Variants in AK5 observed in about 807,000 individuals in gnomAD.
AK5 encodes the protein adenylate kinase 5, also known as adenylate kinase isoenzyme 5.
In AK5, 27 loss-of-function variants were observed where a neutral mutation model predicts 69.5. That is an observed-to-expected ratio of 0.39 (90% CI 0.29 to 0.54). AK5 has a LOEUF of 0.54. AK5 is among the 20% of genes least tolerant of loss of function. AK5 has a pLI of 0.71. For synonymous variants in AK5, 260 were observed against 244.4 expected (o/e 1.06, Z -0.60); for missense variants, 531 against 700.4 (o/e 0.76, Z 2.73).
At chr1:77,376,433 C>CAAAAAAAAAAA (rs757594684) in intron 6 of AK5, among the ~76,000 whole-genome samples, 7 of 13,432 alleles carry the variant, frequency 5.2e-4, no homozygotes, top group Admixed American at 1.2e-3. Flanking sequence ...CACTCAATGC[C>CAAAAAAAAAAA]AAAAAAAAAA....
At chr1:77,468,452 C>T (rs1465508211) in intron 8 of AK5, among the ~76,000 whole-genome samples, 4 of 152,196 alleles carry the variant, frequency 2.6e-5, no homozygotes, top group Non-Finnish European at 4.4e-5. Context: ...ACCTGGCAGC[C>T]GTGCCTCAGA....
At chr1:77,471,974 C>A (rs1401835712) in intron 8 of AK5, among the ~76,000 whole-genome samples, 2 of 152,046 alleles carry the variant, frequency 1.3e-5, no homozygotes, top group African/African-American at 4.8e-5. Flanking sequence ...ATATTCTTAA[C>A]CCTTAATAAC....
intron 8 of AK5, among the ~76,000 whole-genome samples, chr1:77,464,582 C>T (rs1011446425): frequency 6.6e-6 from 1 of 152,070 alleles, no homozygotes; most frequent in African/African-American, 2.4e-5. Flanking sequence ...ATAGGCTGAA[C>T]AGAAGACAGG....
intron 10 of AK5, among the ~76,000 whole-genome samples, chr1:77,498,869 GTTAAAA>G: frequency 6.6e-6 from 1 of 152,340 alleles, no homozygotes; most frequent in East Asian, 1.9e-4. Flanking sequence ...AACATTTCTT[GTTAAAA>G]TTAAACACTC....
rs549176104 is a variant in AK5, at chr1:77,342,081, G to A, written c.891+1513G>A. Among the ~76,000 whole-genome samples the A allele has an allele frequency of 2.4e-4, 37 of 152,214 alleles. No individual in the cohort carries two copies. In the East Asian group the frequency reaches 6.6e-3, roughly 27 times the overall value. On this transcript the variant is annotated intron_variant, in intron 6 of 13. Coordinates refer to ENST00000354567, the MANE Select transcript of AK5 (RefSeq NM_174858.3). ...GCCCAGCTAAATTTTTGTATTTTTA[G>A]TAGAGATGGGGTTTCACCATGTTGG...
intron 7 of AK5, among the ~76,000 whole-genome samples, chr1:77,414,842 A>G (rs1650289167): frequency 6.6e-6 from 1 of 152,136 alleles, no homozygotes; most frequent in South Asian, 2.1e-4. Context: ...ACATTTGTCT[A>G]TATTTTCCCT....
chr1:77,480,116 CCGAGTGTGTG>C (rs1655167289), intron 8 of AK5, among the ~76,000 whole-genome samples: 1 of 104,690 alleles, frequency 9.6e-6, no homozygotes, highest in Non-Finnish European at 1.9e-5. Flanking sequence ...CCCATTCACC[CCGAGTGTGTG>C]TGTGTGTGTG....
At chr1:77,422,746 C>T (rs1650900681) in intron 8 of AK5, among the ~76,000 whole-genome samples, 1 of 152,112 alleles carries the variant, frequency 6.6e-6, no homozygotes, top group Non-Finnish European at 1.5e-5. Context: ...TCTCTGTATC[C>T]CCAGTGCCTG....
intron 8 of AK5, among the ~76,000 whole-genome samples, chr1:77,434,001 G>C (rs762404182): frequency 4.6e-5 from 7 of 151,196 alleles, no homozygotes; most frequent in Non-Finnish European, 8.9e-5. Flanking sequence ...GAATCTGATT[G>C]AGTATGTCTT....
intron 6 of AK5, among the ~76,000 whole-genome samples, chr1:77,357,686 G>A (rs1662606358): frequency 6.6e-6 from 1 of 152,186 alleles, no homozygotes; most frequent in Non-Finnish European, 1.5e-5. Context: ...CTGAAATCCA[G>A]TTCTGAGAGC....
chr1:77,400,423 T>C (rs1437359954), intron 6 of AK5, among the ~76,000 whole-genome samples: 2 of 152,190 alleles, frequency 1.3e-5, no homozygotes, highest in East Asian at 3.8e-4. Context: ...AAAATCCAAG[T>C]GATAAATTAA....
intron 8 of AK5, among the ~76,000 whole-genome samples, chr1:77,425,989 C>T (rs1042655767): frequency 6.6e-6 from 1 of 152,006 alleles, no homozygotes; most frequent in Non-Finnish European, 1.5e-5. Flanking sequence ...ATGTGGTATG[C>T]TCATAAAGGA....
intron 8 of AK5, among the ~76,000 whole-genome samples, chr1:77,456,908 G>A (rs1254088447): frequency 6.9e-6 from 1 of 144,108 alleles, no homozygotes; most frequent in African/African-American, 2.6e-5. Context: ...AGCACATCCT[G>A]TAGTAGTTTC....
chr1:77,344,042 A>G (rs1289769571), intron 6 of AK5, among the ~76,000 whole-genome samples: 1 of 152,250 alleles, frequency 6.6e-6, no homozygotes, highest in Non-Finnish European at 1.5e-5. Context: ...TAATCAAGCT[A>G]CATAGTGGCT....
intron 8 of AK5, among the ~76,000 whole-genome samples, chr1:77,424,414 C>G (rs1651051662): frequency 6.6e-6 from 1 of 151,992 alleles, no homozygotes. Flanking sequence ...ATGTACACCA[C>G]CATGCCTGGC....
intron 13 of AK5, among the ~76,000 whole-genome samples, chr1:77,542,663 G>T (rs1173891105): frequency 6.6e-6 from 1 of 152,036 alleles, no homozygotes; most frequent in Non-Finnish European, 1.5e-5. Context: ...ACTACACATT[G>T]TTTAAAAAAG....
At chr1:77,400,776 T>C (rs1220395010) in intron 6 of AK5, among the ~76,000 whole-genome samples, 1 of 152,020 alleles carries the variant, frequency 6.6e-6, no homozygotes, top group Non-Finnish European at 1.5e-5. Context: ...GCTGCCTATA[T>C]CCAGTGAAAT....
At chr1:77,519,016 G>A (rs1657831438) in intron 11 of AK5, among the ~76,000 whole-genome samples, 1 of 152,116 alleles carries the variant, frequency 6.6e-6, no homozygotes, top group Admixed American at 6.5e-5. Context: ...TTTAGAATTG[G>A]AAAGGCTTCA....
intron 5 of AK5, among the ~76,000 whole-genome samples, chr1:77,326,685 T>C (rs72641175): frequency 0.046 from 7,035 of 152,290 alleles, 499 homozygotes; most frequent in East Asian, 0.36. Flanking sequence ...TGCTTCTTCC[T>C]TTAAGAATGT....
Sources: allele counts gnomAD v4.1 joint callset (sites outside exome capture counted in the v4.1 genomes callset), GRCh38; gene constraint gnomAD v4.1.1; transcripts MANE v1.5; gene names NCBI Gene and HGNC (gene_info 2026-07-23, HGNC 2026-07-21).